Variants in ARHGAP26 observed in about 807,000 individuals in gnomAD.
The protein encoded by ARHGAP26 is rho GTPase-activating protein 26.
A neutral mutation model predicts 104.8 loss-of-function variants in ARHGAP26; 38 were observed. The ratio of observed to expected loss-of-function variants is 0.36; its 90% CI spans 0.28 to 0.48. ARHGAP26 has a LOEUF of 0.48. Among genes scored for constraint, ARHGAP26 ranks in the 20% least tolerant of loss-of-function variants. The probability of loss-of-function intolerance (pLI) is 0.99; values close to 1 mark genes in which losing one functional copy is unlikely to be tolerated. For synonymous variants in ARHGAP26, 341 were observed against 340.0 expected, an observed-to-expected ratio of 1.00 and a Z score of -0.03; for missense variants, 704 against 947.9, an observed-to-expected ratio of 0.74 and a Z score of 3.38.
At chr5:143,041,929 TG>T (rs1253514172) in intron 14 of ARHGAP26, 39 bp downstream of exon 14, 4 of 1,540,700 alleles carry the variant, frequency 2.6e-6, no homozygotes, top group Non-Finnish European at 3.5e-6. Context: ...GGTCCCTGGA[TG>T]GGGGGCCCAC....
chr5:143,182,706 C>T (rs1357888672), intron 20 of ARHGAP26, among the ~76,000 whole-genome samples: 5 of 152,194 alleles, frequency 3.3e-5, no homozygotes, highest in Admixed American at 3.3e-4. Context: ...CCTGAAATTT[C>T]CTGGCTATAA....
chr5:142,923,857 CTTTTTTTTTTT>C (rs11389284), intron 10 of ARHGAP26, among the ~76,000 whole-genome samples: 2 of 105,870 alleles, frequency 1.9e-5, no homozygotes, highest in African/African-American at 3.6e-5. Context: ...GGATCAGATC[CTTTTTTTTTTT>C]TTTTTTTTTT....
intron 20 of ARHGAP26, among the ~76,000 whole-genome samples, chr5:143,174,721 G>A (rs1297608288): frequency 1.3e-5 from 2 of 152,146 alleles, no homozygotes; most frequent in African/African-American, 2.4e-5. Context: ...CGTCATATGA[G>A]TATTTTAAAT....
At chr5:142,852,041 C>T (rs978421423) in intron 1 of ARHGAP26, among the ~76,000 whole-genome samples, 4 of 152,328 alleles carry the variant, frequency 2.6e-5, no homozygotes, top group East Asian at 1.9e-4. Context: ...CTGACAGTCT[C>T]GCTCCTTCCG....
At chr5:143,030,601 CA>C (rs140811918) in intron 12 of ARHGAP26, among the ~76,000 whole-genome samples, 1 of 151,796 alleles carries the variant, frequency 6.6e-6, no homozygotes, top group Non-Finnish European at 1.5e-5. Context: ...TATATCATCA[CA>C]AAAAAAATGA....
chr5:143,174,369 T>A (rs188445239), intron 20 of ARHGAP26, among the ~76,000 whole-genome samples: 2 of 152,242 alleles, frequency 1.3e-5, no homozygotes, highest in Admixed American at 6.5e-5. Context: ...GAATAACTGG[T>A]GGTCATTTGT....
intron 22 of ARHGAP26, among the ~76,000 whole-genome samples, chr5:143,217,938 GC>G (rs2151422739): frequency 6.6e-6 from 1 of 152,184 alleles, no homozygotes; most frequent in African/African-American, 2.4e-5. Context: ...GACTTACAAG[GC>G]CCCTAGGGCC....
At position 142,888,284 on chromosome 5, in the gene ARHGAP26, G is replaced by A. The variant is rs201923814; in HGVS notation, c.486+2885G>A. Among the ~76,000 whole-genome samples, 10 of 152,264 alleles carry A rather than the reference G, an allele frequency of 6.6e-5. No homozygotes were observed. The East Asian group carries it at 9.7e-4, about 15-fold the overall frequency. Reference sequence around the variant, plus strand: ...CCCTTCACCCAGTTTGCTTTTCTACGTCTCTATCTGGGGAGGGATGTTGAG... The same window carrying A: ...CCCTTCACCCAGTTTGCTTTTCTACATCTCTATCTGGGGAGGGATGTTGAG... On this transcript the variant is annotated intron_variant, in intron 5 of 22. Transcript: ENST00000645722.
chr5:142,838,896 G>A (rs574395132), intron 1 of ARHGAP26, among the ~76,000 whole-genome samples: 4 of 152,296 alleles, frequency 2.6e-5, no homozygotes, highest in Non-Finnish European at 5.9e-5. Context: ...ACTAGAACTC[G>A]TACCACTGAC....
chr5:143,034,858 A>G (rs955574566), intron 12 of ARHGAP26, among the ~76,000 whole-genome samples: 7 of 152,134 alleles, frequency 4.6e-5, no homozygotes, highest in Admixed American at 3.9e-4. Context: ...GCATGAGTTG[A>G]GTTTTATTTG....
chr5:143,188,827 A>G (rs1443209648), intron 20 of ARHGAP26, among the ~76,000 whole-genome samples: 1 of 152,254 alleles, frequency 6.6e-6, no homozygotes, highest in African/African-American at 2.4e-5. Flanking sequence ...AAGTGAGGGT[A>G]ACCTAGAAAA....
chr5:142,828,279 A>C (rs1279413947), intron 1 of ARHGAP26, among the ~76,000 whole-genome samples: 1 of 152,166 alleles, frequency 6.6e-6, no homozygotes, highest in Non-Finnish European at 1.5e-5. Context: ...TTTTGAGTGC[A>C]CTGTAGCTGA....
intron 17 of ARHGAP26, among the ~76,000 whole-genome samples, chr5:143,080,436 G>A (rs1369542158): frequency 1.3e-5 from 2 of 152,186 alleles, no homozygotes; most frequent in Non-Finnish European, 2.9e-5. Flanking sequence ...GGATGGACAA[G>A]GAGCTGTGTT....
intron 12 of ARHGAP26, 44 bp from the exon 13 acceptor site, chr5:143,037,152 T>C: frequency 6.4e-7 from 1 of 1,552,916 alleles, no homozygotes; most frequent in Non-Finnish European, 8.8e-7. Context: ...CTGAGGTTGA[T>C]TTCCATGGCT....
At chr5:143,090,156 G>A (rs1338344518) in intron 17 of ARHGAP26, among the ~76,000 whole-genome samples, 1 of 152,244 alleles carries the variant, frequency 6.6e-6, no homozygotes. Flanking sequence ...GGGCTGACCC[G>A]CAGGGTGCCG....
chr5:142,933,789 T>A (rs1166779241), intron 11 of ARHGAP26, among the ~76,000 whole-genome samples: 1 of 152,154 alleles, frequency 6.6e-6, no homozygotes, highest in Non-Finnish European at 1.5e-5. Context: ...TGTTATTACT[T>A]CAAAGAAGAA....
intron 11 of ARHGAP26, among the ~76,000 whole-genome samples, chr5:142,985,663 C>T (rs574209064): frequency 1.4e-5 from 2 of 141,324 alleles, no homozygotes; most frequent in Non-Finnish European, 3.1e-5. Flanking sequence ...CCCTCCCCCC[C>T]ACCCTACAAC....
chr5:143,203,373 T>G (rs1562603352), intron 20 of ARHGAP26: 2 of 152,218 alleles, frequency 1.3e-5, no homozygotes, highest in East Asian at 3.9e-4. Context: ...CACAGTGAGA[T>G]ACCATCTCAT....
chr5:143,186,205 A>T (rs1349458063), intron 20 of ARHGAP26, among the ~76,000 whole-genome samples: 1 of 152,228 alleles, frequency 6.6e-6, no homozygotes, highest in African/African-American at 2.4e-5. Context: ...CTTGTAGAGT[A>T]TTATAATAAG....
Sources: gnomAD v4.1 joint callset for allele counts (sites outside exome capture counted in the v4.1 genomes callset) on GRCh38, gnomAD v4.1.1 for gene constraint, MANE v1.5 for transcripts, NCBI Gene and HGNC (gene_info 2026-07-23, HGNC 2026-07-21) for gene names.